The following DIS3L variants were observed in gnomAD, a reference collection of about 807,000 sequenced individuals.
The protein encoded by DIS3L is DIS3-like exonuclease 1.
In DIS3L, 100 loss-of-function variants were observed where a neutral mutation model predicts 120.3. The observed-to-expected ratio is 0.83, with a 90% CI of 0.71 to 0.98. The LOEUF is 0.98. DIS3L is among the 50% of genes least tolerant of loss of function. The probability of loss-of-function intolerance (pLI) is 0.00; values close to 1 mark genes in which losing one functional copy is unlikely to be tolerated. For synonymous variants in DIS3L, 426 were observed against 470.6 expected (o/e 0.91, Z 1.23); for missense variants, 1,196 against 1,314.2 (o/e 0.91, Z 1.39).
rs186087392 is a variant in DIS3L at position 66,330,153 on chromosome 15, T to C, written c.2535+754T>C. On this transcript the variant is annotated intron_variant, in intron 14 of 16. Transcript: ENST00000319212. Reference sequence around the variant, plus strand: ...CCATCTCTACTAAAAATACAAAAAATTAGCATGGTGGCAGGCGCCTGTAGT... The same window carrying C: ...CCATCTCTACTAAAAATACAAAAAACTAGCATGGTGGCAGGCGCCTGTAGT... 4 of 889,400 alleles carry C rather than the reference T, an allele frequency of 4.5e-6. No individual in the cohort carries two copies. The Admixed American group carries it at 1.9e-4, about 42-fold the overall frequency. 55.1% of individuals were successfully genotyped at this position (889,400 alleles called of 1,614,324 possible).
intron 2 of DIS3L, among the ~76,000 whole-genome samples, chr15:66,300,284 A>C (rs1171764029): frequency 1.3e-5 from 2 of 152,230 alleles, no homozygotes; most frequent in Admixed American, 6.5e-5. Context: ...AAGAAGCCAG[A>C]GCACACATAA....
In DIS3L at chr15:66,326,409, A is replaced by G. The variant is rs773426685; in HGVS notation, c.2201+45A>G. ...GCAGAGGAATGGAGTGGCATGCTGT[A>G]TATTTAGTTATCTTACAGTTGTTCT... On this transcript the variant is annotated intron_variant, in intron 12 of 16. Coordinates refer to ENST00000319212, the MANE Select transcript of DIS3L (RefSeq NM_001143688.3). 2.6e-6 allele frequency: 4 copies of G among 1,560,574 alleles called. No individual in the cohort carries two copies. In the East Asian group the frequency reaches 6.8e-5, roughly 27 times the overall value.
intron 2 of DIS3L, among the ~76,000 whole-genome samples, chr15:66,298,331 C>T (rs2092612161): frequency 6.6e-6 from 1 of 152,004 alleles, no homozygotes; most frequent in Admixed American, 6.6e-5. Flanking sequence ...AGAAAAAAAT[C>T]CTCCTGGATA....
At chr15:66,313,229 C>T (rs1028573804) in intron 5 of DIS3L, among the ~76,000 whole-genome samples, 1 of 151,778 alleles carries the variant, frequency 6.6e-6, no homozygotes, top group Non-Finnish European at 1.5e-5. Flanking sequence ...CTCTTGACCT[C>T]GTGATCCACC....
At chr15:66,295,328 G>T (rs999773548) in intron 2 of DIS3L, among the ~76,000 whole-genome samples, 187 bp downstream of exon 2, 1 of 152,166 alleles carries the variant, frequency 6.6e-6, no homozygotes. Context: ...TCAACACCTG[G>T]CCAAGAGATC....
At chr15:66,306,746 C>T in intron 2 of DIS3L, 78 bp from the exon 3 acceptor site, 2 of 1,587,734 alleles carry the variant, frequency 1.3e-6, no homozygotes, top group Non-Finnish European at 1.7e-6. Flanking sequence ...ATACCCCATC[C>T]TTTTTTGATC....
chr15:66,322,744 G>T lies in DIS3L; in HGVS notation c.1384G>T (p.Glu462Ter), dbSNP rs777348491. Residue 462 changes from glutamate to a stop codon, truncating the protein, a stop_gained, in exon 10 of 17, where the codon GAA (glutamate) becomes TAA (stop). Coordinates refer to ENST00000319212, the MANE Select transcript of DIS3L (RefSeq NM_001143688.3). LOFTEE classifies it high-confidence loss of function. The stretch of plus-strand genomic sequence containing the variant: ...TCCCTGGAAGGTGAGTCCTGAAGAG[G>T]AACAAAAACGTAAAGACTTGAGGAA... Reference protein sequence around the residue: ...ESPWKVSPEEEQKRKDLRKSH... With the variant: ...ESPWKVSPEE 1 of 1,614,076 alleles carries T rather than the reference G, an allele frequency of 6.2e-7. No individual in the cohort carries two copies. Among genetic ancestry groups the T allele is most frequent in the Non-Finnish European group, 8.5e-7 (1 of 1,180,010 alleles).
rs990227450 is a variant in DIS3L, at chr15:66,326,029, G to A, written c.1866G>A (p.Leu622=). 6.2e-7 allele frequency: 1 copy of A among 1,614,122 alleles called. No homozygotes were observed. The highest frequency in any genetic ancestry group is 8.5e-7 in the Non-Finnish European group (1 of 1,179,984). The change falls in exon 12 of 17, where the codon CTG becomes CTA. Residue 622 remains leucine (L), a synonymous_variant. Transcript: ENST00000319212. ...DLDEKSRQAK[L]EELVWAIGKL... ...ATGAGAAGAGCAGACAAGCCAAGCT[G>A]GAGGAGTTGGTGTGGGCAATTGGAA...
intron 2 of DIS3L, among the ~76,000 whole-genome samples, chr15:66,303,904 A>C (rs1284487609): frequency 6.6e-6 from 1 of 150,962 alleles, no homozygotes; most frequent in Non-Finnish European, 1.5e-5. Context: ...ATCCTGGCTA[A>C]CACGGTGAAC....
At position 66,320,593 on chromosome 15, in the gene DIS3L, T is replaced by G. The variant is rs1429766478; in HGVS notation, c.1187T>G (p.Ile396Ser). ...CAGGACTTCAGGGTGGTCGTGCGCA[T>G]CGATTCCTGGGAGTCAACATCTGTG... ...TLQDFRVVVR[I>S]DSWESTSVYP... Residue 396 changes from isoleucine to serine, a missense_variant, in exon 9 of 17, where the codon ATC (isoleucine) becomes AGC (serine). Transcript: ENST00000319212. 34 of 1,613,598 alleles carry G rather than the reference T, an allele frequency of 2.1e-5. No homozygotes were observed. The highest frequency in any genetic ancestry group is 2.9e-5 in the Non-Finnish European group (34 of 1,179,890).
At chr15:66,325,726 A>T in intron 11 of DIS3L, 105 bp from the exon 12 acceptor site, 1 of 1,318,588 alleles carries the variant, frequency 7.6e-7, no homozygotes. Context: ...ATGCCATTGC[A>T]CTCCAGCCTG....
At chr15:66,296,441 C>A (rs963330887) in intron 2 of DIS3L, among the ~76,000 whole-genome samples, 60 of 152,006 alleles carry the variant, frequency 3.9e-4, no homozygotes, top group African/African-American at 1.4e-3. Context: ...TATGATAACA[C>A]CCTGATTTTG....
intron 7 of DIS3L, 86 bp downstream of exon 7, chr15:66,315,301 CTTATTTTATTTAT>C: frequency 8.1e-7 from 1 of 1,236,658 alleles, no homozygotes; most frequent in Non-Finnish European, 1.1e-6. Flanking sequence ...AAATACTGCC[CTTATTTTATTTAT>C]TTATTTTATT....
At position 66,316,058 on chromosome 15, in the gene DIS3L, G is replaced by A. The variant is rs1485850219; in HGVS notation, c.994+843G>A. Among the ~76,000 whole-genome samples the A allele has an allele frequency of 5.9e-5, 9 of 152,182 alleles. No individual in the cohort carries two copies. The South Asian group carries it at 1.9e-3, about 32-fold the overall frequency. ...CTGTTCTCTGCGCTCTCTCCCTCAG[G>A]GATCTCCTGCAGTCCTTTAATTTTA... On this transcript the variant is annotated intron_variant, in intron 7 of 16. Transcript: ENST00000319212.
chr15:66,311,082 T>G (rs974603510), intron 4 of DIS3L, among the ~76,000 whole-genome samples: 2 of 139,822 alleles, frequency 1.4e-5, no homozygotes, highest in Admixed American at 1.5e-4. Flanking sequence ...AAGACAAGAA[T>G]GTACACATAC....
intron 2 of DIS3L, among the ~76,000 whole-genome samples, chr15:66,301,552 A>T (rs563232338): frequency 6.6e-6 from 1 of 152,268 alleles, no homozygotes; most frequent in South Asian, 2.1e-4. Flanking sequence ...AAGTGCTAGG[A>T]TTACAAGCAT....
At chr15:66,303,210 A>G (rs1426157169) in intron 2 of DIS3L, among the ~76,000 whole-genome samples, 1 of 152,200 alleles carries the variant, frequency 6.6e-6, no homozygotes. Flanking sequence ...CCATTGATAG[A>G]TTGCTTCCAC....
chr15:66,310,151 G>A (rs1439076911), intron 4 of DIS3L, among the ~76,000 whole-genome samples: 2 of 152,134 alleles, frequency 1.3e-5, no homozygotes, highest in Non-Finnish European at 2.9e-5. Context: ...GTCTAGTTGG[G>A]TTTTGAATTG....
At chr15:66,299,129 G>T (rs1198900962) in intron 2 of DIS3L, among the ~76,000 whole-genome samples, 1 of 152,216 alleles carries the variant, frequency 6.6e-6, no homozygotes, top group Non-Finnish European at 1.5e-5. Context: ...GGGGCCCATG[G>T]GGAGGGGCCT....
Sources: allele counts gnomAD v4.1 joint callset (sites outside exome capture counted in the v4.1 genomes callset), GRCh38; gene constraint gnomAD v4.1.1; transcripts MANE v1.5; gene names NCBI Gene and HGNC (gene_info 2026-07-23, HGNC 2026-07-21).